The following DHX15 variants were observed in gnomAD, a reference collection of about 807,000 sequenced individuals.
DHX15 encodes ATP-dependent RNA helicase DHX15.
Under a neutral mutation model 94.4 loss-of-function variants are expected in DHX15, and 11 were observed. The ratio of observed to expected loss-of-function variants is 0.12; its 90% CI spans 0.07 to 0.19. The LOEUF is 0.19. DHX15 is among the 10% of genes least tolerant of loss of function. The probability of loss-of-function intolerance (pLI) is 1.00; values close to 1 mark genes in which losing one functional copy is unlikely to be tolerated. For missense variants in DHX15, 304 were observed against 988.5 expected (o/e 0.31, Z 9.29); for synonymous variants, 338 against 329.9 (o/e 1.02, Z -0.27).
intron 3 of DHX15, among the ~76,000 whole-genome samples, chr4:24,569,467 C>G (rs1189558061): frequency 1.3e-5 from 2 of 151,830 alleles, no homozygotes; most frequent in Non-Finnish European, 2.9e-5. Context: ...TGGCGCACAC[C>G]TATAGTCCCA....
chr4:24,584,458 G>A lies in DHX15; in HGVS notation c.-65C>T, dbSNP rs1292453384. Reference sequence around the variant, plus strand: ...CTGGCTGCTGTATGGGCACAGTCGAGGACAGCCACTTAACTCTGGAGGACC... The same window carrying A: ...CTGGCTGCTGTATGGGCACAGTCGAAGACAGCCACTTAACTCTGGAGGACC... On this transcript the variant is annotated 5_prime_UTR_variant, in exon 1 of 14. Coordinates refer to ENST00000336812, the MANE Select transcript of DHX15 (RefSeq NM_001358.3). 25 of 1,503,830 alleles carry A rather than the reference G, an allele frequency of 1.7e-5. No homozygotes were observed. Among genetic ancestry groups the A allele is most frequent in the Non-Finnish European group, 2.1e-5 (23 of 1,101,156 alleles). The allele number at this position is 1,503,830 out of a possible 1,614,324, so 93.2% of individuals were successfully genotyped here. A position where few individuals can be genotyped will look rare whatever the true frequency, so the allele number is the denominator to read the frequency against.
intron 1 of DHX15, among the ~76,000 whole-genome samples, chr4:24,581,117 G>A (rs573389887): frequency 7.3e-5 from 11 of 151,096 alleles, no homozygotes; most frequent in South Asian, 6.3e-4. Flanking sequence ...TGCAAGCTCC[G>A]CCTCCCGGGT....
intron 1 of DHX15, among the ~76,000 whole-genome samples, chr4:24,581,734 G>T (rs1157428400): frequency 6.6e-6 from 1 of 151,494 alleles, no homozygotes; most frequent in East Asian, 2.0e-4. Flanking sequence ...ACATCAAAAT[G>T]AAAAACGCCC....
Position 24,527,631 on chromosome 4 carries a change from C to A in DHX15, c.*293G>T. 3.8e-6 allele frequency: 1 copy of A among 263,160 alleles called. No homozygotes were observed. The highest frequency in any genetic ancestry group is 7.5e-5 in the East Asian group (1 of 13,420). 16.3% of individuals were successfully genotyped at this position (263,160 alleles called of 1,614,324 possible). A position where few individuals can be genotyped will look rare whatever the true frequency, so the allele number is the denominator to read the frequency against. On this transcript the variant is annotated 3_prime_UTR_variant, in exon 14 of 14. Transcript: ENST00000336812. The stretch of plus-strand genomic sequence containing the variant: ...ATGGTCGATAATCACATTTTAGAAG[C>A]ATTTTCAACCATTTCTAAAGAAATG...
rs371672878 is a variant in DHX15, at chr4:24,584,435, G to A, written c.-42C>T. The A allele has an allele frequency of 7.4e-4, 1,183 of 1,594,172 alleles. 1 individual carries two copies. Among genetic ancestry groups the A allele is most frequent in the Non-Finnish European group, 9.0e-4 (1,056 of 1,169,692 alleles). The stretch of plus-strand genomic sequence containing the variant: ...CGGGCAGTTATTAAGGAAGAAAGCT[G>A]GCTGCTGTATGGGCACAGTCGAGGA... On this transcript the variant is annotated 5_prime_UTR_variant, in exon 1 of 14. Coordinates refer to ENST00000336812, the MANE Select transcript of DHX15 (RefSeq NM_001358.3).
At chr4:24,532,717 CAAAG>C in intron 12 of DHX15, 143 bp downstream of exon 12, 1 of 598,914 alleles carries the variant, frequency 1.7e-6, no homozygotes, top group East Asian at 2.6e-5. Context: ...TTAATTCACT[CAAAG>C]AAACTGGATG....
intron 3 of DHX15, among the ~76,000 whole-genome samples, chr4:24,565,419 C>A (rs1239889605): frequency 6.6e-6 from 1 of 152,202 alleles, no homozygotes; most frequent in African/African-American, 2.4e-5. Context: ...TTTTAAGAGT[C>A]CAATAAAATT....
At chr4:24,582,714 C>G (rs961902125) in intron 1 of DHX15, among the ~76,000 whole-genome samples, 2 of 152,186 alleles carry the variant, frequency 1.3e-5, no homozygotes, top group Admixed American at 1.3e-4. Context: ...TGTAAACTTG[C>G]ACAAGCCACC....
At chr4:24,581,164 G>T (rs1391181614) in intron 1 of DHX15, among the ~76,000 whole-genome samples, 3 of 151,944 alleles carry the variant, frequency 2.0e-5, no homozygotes, top group Non-Finnish European at 4.4e-5. Context: ...GAGTAGCTGG[G>T]ACTACAGGTG....
chr4:24,528,055 G>T lies in DHX15; in HGVS notation c.2271-14C>A, dbSNP rs760916591. 9 of 1,590,576 alleles carry T rather than the reference G, an allele frequency of 5.7e-6. No homozygotes were observed. The highest frequency in any genetic ancestry group is 7.8e-6 in the Non-Finnish European group (9 of 1,159,266). The stretch of plus-strand genomic sequence containing the variant: ...ATTTTCACCAACCTGTTTAGAAGTG[G>T]GCAGAAAAATTTCCAAATTAACATT... On this transcript the variant is annotated splice_polypyrimidine_tract_variant and intron_variant, in intron 13 of 13. Coordinates refer to ENST00000336812, the MANE Select transcript of DHX15 (RefSeq NM_001358.3).
At chr4:24,547,503 G>A (rs558770114) in intron 6 of DHX15, among the ~76,000 whole-genome samples, 2 of 152,112 alleles carry the variant, frequency 1.3e-5, no homozygotes, top group African/African-American at 2.4e-5. Flanking sequence ...TCTCAAAGAA[G>A]AACTCAATGA....
intron 12 of DHX15, chr4:24,530,118 G>A (rs373488704): frequency 1.5e-5 from 5 of 333,940 alleles, no homozygotes; most frequent in Non-Finnish European, 1.7e-5. Context: ...ATGCCCATTT[G>A]TCTATACCTA....
chr4:24,544,247 G>A (rs1721377820), intron 6 of DHX15, among the ~76,000 whole-genome samples: 1 of 151,996 alleles, frequency 6.6e-6, no homozygotes, highest in Non-Finnish European at 1.5e-5. Context: ...AAAAATCATA[G>A]GCTTTTGCTG....
At chr4:24,562,908 T>C (rs866502649) in intron 3 of DHX15, among the ~76,000 whole-genome samples, 52 of 152,162 alleles carry the variant, frequency 3.4e-4, no homozygotes, top group African/African-American at 9.7e-4. Context: ...TTCCAAAAGA[T>C]TGAACTGTCT....
rs535886256 is a variant in DHX15 at position 24,544,426 on chromosome 4, C to T, written c.1249-1400G>A. Among the ~76,000 whole-genome samples, 7 of 152,196 alleles carry T rather than the reference C, an allele frequency of 4.6e-5. No individual in the cohort carries two copies. In the South Asian group the frequency reaches 1.5e-3, roughly 32 times the overall value. ...TACAAGTCAAAAACCAAAATGTTTC[C>T]TTTTGTCAGTTGAAAAGACTGACAA... On this transcript the variant is annotated intron_variant, in intron 6 of 13. Coordinates refer to ENST00000336812, the MANE Select transcript of DHX15 (RefSeq NM_001358.3).
chr4:24,529,498 A>T, intron 13 of DHX15, 103 bp downstream of exon 13: 7 of 974,476 alleles, frequency 7.2e-6, no homozygotes, highest in Non-Finnish European at 7.8e-6. Context: ...ACTGAAATAT[A>T]AATTCTCAAT....
At chr4:24,581,218 C>A (rs973792091) in intron 1 of DHX15, among the ~76,000 whole-genome samples, 59 of 151,740 alleles carry the variant, frequency 3.9e-4, no homozygotes, top group African/African-American at 1.4e-3. Context: ...TTAGTAGAGA[C>A]AGGGTTTCAC....
At chr4:24,558,487 A>C (rs1343177163) in intron 3 of DHX15, among the ~76,000 whole-genome samples, 3 of 152,322 alleles carry the variant, frequency 2.0e-5, no homozygotes, top group South Asian at 4.1e-4. Context: ...TAAGGGAAGA[A>C]ATGTTACAGA....
At chr4:24,550,305 CTTTT>C (rs556366640) in intron 5 of DHX15, among the ~76,000 whole-genome samples, 1 of 151,334 alleles carries the variant, frequency 6.6e-6, no homozygotes, top group Non-Finnish European at 1.5e-5. Flanking sequence ...AATGTATTTT[CTTTT>C]TTTTGATATA....
Sources: gnomAD v4.1 joint callset for allele counts (sites outside exome capture counted in the v4.1 genomes callset) on GRCh38, gnomAD v4.1.1 for gene constraint, MANE v1.5 for transcripts, NCBI Gene and HGNC (gene_info 2026-07-23, HGNC 2026-07-21) for gene names.